Variants in LAMA4 observed in about 807,000 individuals in gnomAD.
LAMA4 encodes the protein laminin subunit alpha-4.
LAMA4 carries 127 observed loss-of-function variants against 207.1 expected under a neutral mutation model. That is an observed-to-expected ratio of 0.61 (90% confidence interval 0.53 to 0.71). The LOEUF (loss-of-function observed/expected upper bound fraction) is 0.71. Ranked by LOEUF, LAMA4 falls within the 30% of genes least tolerant of loss-of-function variation. The probability of loss-of-function intolerance (pLI) is 0.00; values close to 1 mark genes in which losing one functional copy is unlikely to be tolerated. For missense variants in LAMA4, 2,093 were observed against 2,246.5 expected, an observed-to-expected ratio of 0.93 and a Z score of 1.38; for synonymous variants, 761 against 816.0, an observed-to-expected ratio of 0.93 and a Z score of 1.15.
intron 2 of LAMA4, among the ~76,000 whole-genome samples, chr6:112,251,947 G>A (rs1319821636): frequency 6.6e-6 from 1 of 151,922 alleles, no homozygotes; most frequent in Non-Finnish European, 1.5e-5. Flanking sequence ...TTTTCCAGCT[G>A]GAAGAATATA....
At chr6:112,214,701 T>C (rs1290190649) in intron 3 of LAMA4, among the ~76,000 whole-genome samples, 2 of 152,222 alleles carry the variant, frequency 1.3e-5, no homozygotes, top group East Asian at 1.9e-4. Flanking sequence ...GTTGGAGGAA[T>C]GTTGGCAGCT....
upstream of LAMA4, chr6:112,254,579 C>A (rs1027354685): frequency 4.1e-6 from 1 of 244,766 alleles, no homozygotes; most frequent in South Asian, 5.4e-5. Flanking sequence ...CATTCATTCT[C>A]ACCACTCCCT....
chr6:112,175,091 G>A (rs1554343175), intron 11 of LAMA4, among the ~76,000 whole-genome samples: 3 of 152,260 alleles, frequency 2.0e-5, no homozygotes, highest in Non-Finnish European at 4.4e-5. Context: ...TGGCATCTCA[G>A]TTGTTTCTCA....
chr6:112,134,638 G>A, intron 25 of LAMA4, 29 bp from the exon 26 acceptor site: 1 of 1,539,994 alleles, frequency 6.5e-7, no homozygotes, highest in African/African-American at 1.4e-5. Context: ...AGTAAGCCTT[G>A]ATTAACTATT....
chr6:112,116,693 G>A (rs1778039007), intron 35 of LAMA4, among the ~76,000 whole-genome samples: 1 of 151,876 alleles, frequency 6.6e-6, no homozygotes, highest in Non-Finnish European at 1.5e-5. Flanking sequence ...TGCAAACCAG[G>A]GCATCTAAAT....
intron 3 of LAMA4, chr6:112,214,145 T>C (rs1301858050): frequency 1.9e-6 from 1 of 536,686 alleles, no homozygotes; most frequent in East Asian, 3.0e-5. Context: ...TTAACATATT[T>C]GCAACTAAGT....
At chr6:112,166,557 G>C (rs1184974518) in intron 12 of LAMA4, 7 of 153,592 alleles carry the variant, frequency 4.6e-5, no homozygotes, top group African/African-American at 1.7e-4. Flanking sequence ...AGTTCTCTCT[G>C]GGTGACTGCG....
At chr6:112,197,703 G>C (rs902684194) in intron 5 of LAMA4, among the ~76,000 whole-genome samples, 1 of 152,192 alleles carries the variant, frequency 6.6e-6, no homozygotes, top group Admixed American at 6.5e-5. Flanking sequence ...GGTAGAGACT[G>C]CCTGTGTTCA....
intron 13 of LAMA4, among the ~76,000 whole-genome samples, chr6:112,161,040 G>C (rs782480781): frequency 1.3e-5 from 2 of 152,114 alleles, no homozygotes; most frequent in Non-Finnish European, 2.9e-5. Flanking sequence ...ACTGGTTGTT[G>C]TTTTAATGCT....
chr6:112,207,004 C>T lies in LAMA4; in HGVS notation c.422+17G>A, dbSNP rs1410348202. 1.8e-5 allele frequency: 29 copies of T among 1,613,540 alleles called. No homozygotes were observed. Among genetic ancestry groups the T allele is most frequent in the Non-Finnish European group, 2.3e-5 (27 of 1,179,818 alleles). ...TAGACTGATCATTAGAAGAGACCAT[C>T]CTCCTTTAGGACTTACTTGGCCAAG... On this transcript the variant is annotated intron_variant, in intron 4 of 38. Transcript: ENST00000230538.
In LAMA4 at chr6:112,191,689, T is replaced by A. The variant is rs1783129859; in HGVS notation, c.665A>T (p.Glu222Val). ...CLRNTTGFKC[E>V]RCAPGYYGDA... Reference sequence around the variant, plus strand: ...CCCATAGTAGCCAGGAGCGCAACGTTCACACTTGAATCCGGTGGTGTTGCG... The same window carrying A: ...CCCATAGTAGCCAGGAGCGCAACGTACACACTTGAATCCGGTGGTGTTGCG... Residue 222 changes from glutamate to valine, a missense_variant, in exon 6 of 39, where the codon GAA becomes GTA. Glu to Val is a moderately radical substitution (Grantham distance 121). Transcript: ENST00000230538. The A allele has an allele frequency of 6.2e-7, 1 of 1,614,008 alleles. No individual in the cohort carries two copies. The highest frequency in any genetic ancestry group is 1.3e-5 in the African/African-American group (1 of 74,934).
intron 12 of LAMA4, among the ~76,000 whole-genome samples, chr6:112,167,697 G>T (rs1443382515): frequency 6.6e-6 from 1 of 152,116 alleles, no homozygotes; most frequent in East Asian, 1.9e-4. Context: ...AGTGCTCCAA[G>T]CATTTGTCCA....
chr6:112,144,371 T>C (rs1779889336), intron 19 of LAMA4, among the ~76,000 whole-genome samples: 1 of 152,230 alleles, frequency 6.6e-6, no homozygotes, highest in Non-Finnish European at 1.5e-5. Context: ...GTAGGACAGA[T>C]GGGATAGATT....
At chr6:112,246,852 A>AT (rs1225443093) in intron 2 of LAMA4, among the ~76,000 whole-genome samples, 4 of 152,044 alleles carry the variant, frequency 2.6e-5, no homozygotes, top group African/African-American at 9.7e-5. Flanking sequence ...TTTTCTAGGG[A>AT]TTTAGCATTC....
intron 16 of LAMA4, among the ~76,000 whole-genome samples, chr6:112,153,818 T>C (rs1780539370): frequency 6.6e-6 from 1 of 152,164 alleles, no homozygotes; most frequent in African/African-American, 2.4e-5. Flanking sequence ...ATAATTAGAC[T>C]AGAGAAACAA....
intron 2 of LAMA4, among the ~76,000 whole-genome samples, chr6:112,227,758 ATCTG>A (rs202103736): frequency 0.01 from 1,596 of 152,314 alleles, 32 homozygotes; most frequent in African/African-American, 0.037. Flanking sequence ...TTTCACACAT[ATCTG>A]TCTTAGTTAA....
At position 112,132,898 on chromosome 6, in the gene LAMA4, C is replaced by T. The variant is rs782268702; in HGVS notation, c.3697-8G>A. ...ATATGCTCTGCGAGATATCTGTGTG[C>T]CAGAACAAGTGGAGATAGTGTTTTT... is the stretch of plus-strand genomic sequence containing the variant. On this transcript the variant is annotated splice_region_variant and splice_polypyrimidine_tract_variant and intron_variant, in intron 27 of 38. Transcript: ENST00000230538. 1.9e-6 allele frequency: 3 copies of T among 1,612,154 alleles called. No individual in the cohort carries two copies. Among genetic ancestry groups the T allele is most frequent in the Non-Finnish European group, 2.5e-6 (3 of 1,178,848 alleles).
intron 38 of LAMA4, among the ~76,000 whole-genome samples, chr6:112,112,641 G>A (rs1167630846): frequency 4.7e-5 from 7 of 148,728 alleles, no homozygotes; most frequent in African/African-American, 1.8e-4. Flanking sequence ...GGAATGGAGA[G>A]GGGAGTGGAA....
intron 2 of LAMA4, among the ~76,000 whole-genome samples, chr6:112,225,443 G>T (rs1785158741): frequency 6.6e-6 from 1 of 152,346 alleles, no homozygotes; most frequent in African/African-American, 2.4e-5. Flanking sequence ...ACTTCCAGAA[G>T]AGGGAATTCC....
Sources: allele counts gnomAD v4.1 joint callset (sites outside exome capture counted in the v4.1 genomes callset), GRCh38; gene constraint gnomAD v4.1.1; transcripts MANE v1.5; gene names NCBI Gene and HGNC (gene_info 2026-07-23, HGNC 2026-07-21).